DOCK2: variants seen among roughly 807,000 people sequenced by gnomAD.
DOCK2 encodes dedicator of cytokinesis 2, also known as dedicator of cytokinesis protein 2.
DOCK2 carries 87 observed loss-of-function variants against 248.9 expected under a neutral mutation model. The observed-to-expected ratio is 0.35, with a 90% CI of 0.29 to 0.42. The LOEUF (loss-of-function observed/expected upper bound fraction) is 0.42. Ranked by LOEUF, DOCK2 falls within the 10% of genes least tolerant of loss-of-function variation. The pLI, the probability that DOCK2 is intolerant of heterozygous loss-of-function variation, is 1.00. For synonymous variants in DOCK2, 805 were observed against 821.6 expected, an observed-to-expected ratio of 0.98 and a Z score of 0.35; for missense variants, 1,747 against 2,300.2, an observed-to-expected ratio of 0.76 and a Z score of 4.92.
At chr5:170,070,025 G>A (rs1026841569) in intron 46 of DOCK2, among the ~76,000 whole-genome samples, 2 of 151,900 alleles carry the variant, frequency 1.3e-5, no homozygotes, top group Admixed American at 6.6e-5. Flanking sequence ...CCCTGCAGAA[G>A]CAACAGTCGG....
intron 26 of DOCK2, among the ~76,000 whole-genome samples, chr5:169,822,526 C>T (rs1483065377): frequency 2.0e-5 from 3 of 152,102 alleles, no homozygotes; most frequent in Non-Finnish European, 4.4e-5. Context: ...CTACTGGGTA[C>T]GTAATGAAAT....
chr5:169,841,406 A>T, intron 27 of DOCK2: 1 of 987,292 alleles, frequency 1.0e-6, no homozygotes, highest in Non-Finnish European at 1.2e-6. Flanking sequence ...CACAGAACCC[A>T]GCTCGAACCC....
chr5:169,655,914 G>T (rs922334563), intron 2 of DOCK2, among the ~76,000 whole-genome samples: 2 of 152,146 alleles, frequency 1.3e-5, no homozygotes, highest in African/African-American at 4.8e-5. Context: ...ATTTTTACTT[G>T]GGGTTGTAGA....
chr5:169,670,348 GA>G (rs1758978566), intron 3 of DOCK2, among the ~76,000 whole-genome samples, 193 bp from the exon 4 acceptor site: 1 of 152,156 alleles, frequency 6.6e-6, no homozygotes, highest in Admixed American at 6.5e-5. Context: ...GAACTGGAGG[GA>G]AAGCCAGATC....
At chr5:169,915,838 G>A (rs577784706) in intron 27 of DOCK2, among the ~76,000 whole-genome samples, 10 of 152,250 alleles carry the variant, frequency 6.6e-5, no homozygotes, top group Non-Finnish European at 1.2e-4. Context: ...AGAAATGCAG[G>A]TGTGAGATTG....
In DOCK2 at chr5:169,859,601, A is replaced by T. The variant is rs553377207; in HGVS notation, c.2799+18749A>T. Among the ~76,000 whole-genome samples the T allele has an allele frequency of 2.6e-5, 4 of 152,372 alleles. No homozygotes were observed. The South Asian group carries it at 8.3e-4, about 32-fold the overall frequency. On this transcript the variant is annotated intron_variant, in intron 27 of 51. Coordinates refer to ENST00000520908, the MANE Select transcript of DOCK2 (RefSeq NM_004946.3). Reference sequence around the variant, plus strand: ...TTTTCAAGTGAAGGTTATATTGAGGATTCAGCTCAGCTAATGAAGGTAAGA... The same window carrying T: ...TTTTCAAGTGAAGGTTATATTGAGGTTTCAGCTCAGCTAATGAAGGTAAGA...
intron 8 of DOCK2, among the ~76,000 whole-genome samples, chr5:169,687,412 A>G (rs779814152): frequency 4.6e-5 from 7 of 152,172 alleles, no homozygotes; most frequent in Non-Finnish European, 1.0e-4. Flanking sequence ...AACTCTGCTC[A>G]GTCTGCTCTC....
At chr5:169,657,957 G>C (rs1407950116) in intron 2 of DOCK2, among the ~76,000 whole-genome samples, 1 of 152,150 alleles carries the variant, frequency 6.6e-6, no homozygotes, top group Non-Finnish European at 1.5e-5. Flanking sequence ...TGAGACTTGG[G>C]AGGAGAATGG....
intron 27 of DOCK2, among the ~76,000 whole-genome samples, chr5:169,928,828 T>A (rs771671061): frequency 3.3e-5 from 5 of 152,224 alleles, no homozygotes; most frequent in Admixed American, 6.5e-5. Context: ...ACTACACAAG[T>A]AATTACTCAG....
At chr5:169,906,721 T>G (rs912596154) in intron 27 of DOCK2, among the ~76,000 whole-genome samples, 4 of 152,188 alleles carry the variant, frequency 2.6e-5, no homozygotes, top group African/African-American at 9.7e-5. Flanking sequence ...AAGCCCATTA[T>G]CTTTCTGCCA....
intron 23 of DOCK2, among the ~76,000 whole-genome samples, chr5:169,755,403 T>C (rs1764139803): frequency 6.6e-6 from 1 of 152,182 alleles, no homozygotes; most frequent in Admixed American, 6.5e-5. Context: ...AAAGTAATAA[T>C]GATACAATAT....
At chr5:169,782,644 CCTAA>C (rs1765776456) in intron 25 of DOCK2, among the ~76,000 whole-genome samples, 2 of 152,060 alleles carry the variant, frequency 1.3e-5, no homozygotes, top group South Asian at 2.1e-4. Context: ...AGCAGGACTA[CCTAA>C]CTGTTTTGGA....
At chr5:169,850,843 G>A (rs1041058263) in intron 27 of DOCK2, among the ~76,000 whole-genome samples, 5 of 152,180 alleles carry the variant, frequency 3.3e-5, no homozygotes, top group African/African-American at 9.6e-5. Flanking sequence ...GGTCTTGAAT[G>A]CCACGAAAAA....
chr5:169,805,902 G>A lies in DOCK2; in HGVS notation c.2703+2696G>A, dbSNP rs1218946687. The stretch of plus-strand genomic sequence containing the variant: ...GCTCTTATAATGAATTCTGACTGTG[G>A]GGACTAACCCACCCCTTTCTCCGGG... On this transcript the variant is annotated intron_variant, in intron 26 of 51. Transcript: ENST00000520908. 3.3e-5 allele frequency among the ~76,000 whole-genome samples: 5 copies of A among 152,252 alleles called. No homozygotes were observed. In the East Asian group the frequency reaches 9.6e-4, roughly 29 times the overall value.
chr5:170,004,216 A>G (rs1754938152), intron 30 of DOCK2, among the ~76,000 whole-genome samples: 1 of 152,266 alleles, frequency 6.6e-6, no homozygotes, highest in South Asian at 2.1e-4. Flanking sequence ...GAGTATATCC[A>G]TATGATAGAA....
chr5:169,889,998 A>G (rs1002656120), intron 27 of DOCK2, among the ~76,000 whole-genome samples: 13 of 142,788 alleles, frequency 9.1e-5, no homozygotes, highest in African/African-American at 3.9e-4. Flanking sequence ...CAACTTATAA[A>G]GCATTTTCAA....
At chr5:169,738,893 C>T (rs554759866) in intron 22 of DOCK2, among the ~76,000 whole-genome samples, 2 of 152,260 alleles carry the variant, frequency 1.3e-5, no homozygotes, top group Admixed American at 6.5e-5. Flanking sequence ...CTTCTGTTAC[C>T]CTGTCCTCTG....
At chr5:169,744,878 T>A (rs558759007) in intron 22 of DOCK2, among the ~76,000 whole-genome samples, 1 of 152,232 alleles carries the variant, frequency 6.6e-6, no homozygotes, top group East Asian at 1.9e-4. Flanking sequence ...GAGCAGGTGG[T>A]TCCCAGGAGG....
At position 169,700,069 on chromosome 5, in the gene DOCK2, C is replaced by T; in HGVS notation, c.1188C>T (p.Asp396=). ...LVGDIIQIRK[D]YPHLVDRTTV... The stretch of plus-strand genomic sequence containing the variant: ...GTGACATCATTCAGATTCGCAAGGA[C>T]TATCCACACCTGGTGGACAGGACCA... The change falls in exon 13 of 52, where the codon GAC becomes GAT. Residue 396 remains aspartate (D), a synonymous_variant. Coordinates refer to ENST00000520908, the MANE Select transcript of DOCK2 (RefSeq NM_004946.3). 1 of 1,614,092 alleles carries T rather than the reference C, an allele frequency of 6.2e-7. No homozygotes were observed. The highest frequency in any genetic ancestry group is 8.5e-7 in the Non-Finnish European group (1 of 1,179,950).
Sources: allele counts gnomAD v4.1 joint callset (sites outside exome capture counted in the v4.1 genomes callset), GRCh38; gene constraint gnomAD v4.1.1; transcripts MANE v1.5; gene names NCBI Gene and HGNC (gene_info 2026-07-23, HGNC 2026-07-21).